The following NEDD1 variants were observed in gnomAD, a reference collection of about 807,000 sequenced individuals.
The protein encoded by NEDD1 is protein NEDD1.
NEDD1 carries 33 observed loss-of-function variants against 74.0 expected under a neutral mutation model. The ratio of observed to expected loss-of-function variants is 0.45; its 90% confidence interval spans 0.34 to 0.60. The LOEUF (loss-of-function observed/expected upper bound fraction) is 0.60. Ranked by LOEUF, NEDD1 falls within the 20% of genes least tolerant of loss-of-function variation. The pLI is 0.01. For synonymous variants in NEDD1, 250 were observed against 264.4 expected, an observed-to-expected ratio of 0.95 and a Z score of 0.53; for missense variants, 746 against 776.5, an observed-to-expected ratio of 0.96 and a Z score of 0.47.
chr12:96,911,517 T>A (rs1873914566), intron 3 of NEDD1, among the ~76,000 whole-genome samples: 1 of 152,156 alleles, frequency 6.6e-6, no homozygotes, highest in South Asian at 2.1e-4. Context: ...CAACTTGGGG[T>A]CCACATAGTA....
intron 9 of NEDD1, 104 bp from the exon 10 acceptor site, chr12:96,940,305 A>G (rs1877536338): frequency 1.7e-6 from 1 of 583,874 alleles, no homozygotes; most frequent in Non-Finnish European, 3.0e-6. Context: ...TCATAGTTGT[A>G]ATATTACCAA....
intron 6 of NEDD1, among the ~76,000 whole-genome samples, chr12:96,928,916 T>C (rs890525815): frequency 1.3e-5 from 2 of 151,930 alleles, no homozygotes; most frequent in African/African-American, 2.4e-5. Context: ...GGTCTCGATC[T>C]CCTGACCTCG....
At chr12:96,949,039 G>A (rs910519501) in intron 14 of NEDD1, among the ~76,000 whole-genome samples, 1 of 152,126 alleles carries the variant, frequency 6.6e-6, no homozygotes, top group African/African-American at 2.4e-5. Context: ...GGCTCTTACA[G>A]CCTTGGCTAC....
chr12:96,918,207 G>T (rs1777459791), intron 5 of NEDD1, among the ~76,000 whole-genome samples: 1 of 151,392 alleles, frequency 6.6e-6, no homozygotes, highest in Admixed American at 6.6e-5. Context: ...TTTTAACTTG[G>T]TAATATTTTG....
At position 96,942,498 on chromosome 12, in the gene NEDD1, T is replaced by C. The variant is rs1877756649; in HGVS notation, c.1247-79T>C. On this transcript the variant is annotated intron_variant, in intron 10 of 15. Coordinates refer to ENST00000266742, the MANE Select transcript of NEDD1 (RefSeq NM_152905.4). ...TAAGATTGTTAGTCTCTGAACTCTT[T>C]GGGGAATGAATAAGAAGCCTAAATT... 10 of 746,194 alleles carry C rather than the reference T, an allele frequency of 1.3e-5. No individual in the cohort carries two copies. In the South Asian group the frequency reaches 1.6e-4, roughly 12 times the overall value. 46.2% of individuals were successfully genotyped at this position (746,194 alleles called of 1,614,324 possible). A position where few individuals can be genotyped will look rare whatever the true frequency, so the allele number is the denominator to read the frequency against.
intron 6 of NEDD1, among the ~76,000 whole-genome samples, chr12:96,921,681 A>G (rs184548813): frequency 3.9e-4 from 58 of 147,984 alleles, no homozygotes; most frequent in Middle Eastern, 3.5e-3. Context: ...TTTCTTTCTT[A>G]GAGAGTCTTA....
At chr12:96,909,609 C>A (rs971135451) in intron 2 of NEDD1, 143 bp from the exon 3 acceptor site, 14 of 630,492 alleles carry the variant, frequency 2.2e-5, no homozygotes, top group Non-Finnish European at 3.5e-5. Flanking sequence ...TTAGGAAAAT[C>A]ACTTCAACTG....
At chr12:96,920,382 G>C (rs1180351608) in intron 6 of NEDD1, among the ~76,000 whole-genome samples, 1 of 151,660 alleles carries the variant, frequency 6.6e-6, no homozygotes, top group Non-Finnish European at 1.5e-5. Context: ...ACAAATAGTT[G>C]TTAATAGGTT....
rs1368939540 is a variant in NEDD1 at position 96,912,665 on chromosome 12, ATAG to A, written c.137-56_137-54del. The A allele has an allele frequency of 3.8e-6, 3 of 799,622 alleles. No homozygotes were observed. The East Asian group carries it at 7.4e-5, about 20-fold the overall frequency. 49.5% of individuals were successfully genotyped at this position (799,622 alleles called of 1,614,324 possible). ...AGCTTTTATAATCGCAATTCTTATA[ATAG>A]TCTAGTGCTATAGATGTTCATGGAT... On this transcript the variant is annotated intron_variant, in intron 3 of 15. Coordinates refer to ENST00000266742, the MANE Select transcript of NEDD1 (RefSeq NM_152905.4).
At chr12:96,923,668 C>T (rs1008063077) in intron 6 of NEDD1, among the ~76,000 whole-genome samples, 4 of 151,840 alleles carry the variant, frequency 2.6e-5, no homozygotes, top group Non-Finnish European at 5.9e-5. Flanking sequence ...TTGGGTTATT[C>T]GTGTTTTTAA....
At chr12:96,942,861 A>G (rs1401451536) in intron 11 of NEDD1, among the ~76,000 whole-genome samples, 1 of 151,928 alleles carries the variant, frequency 6.6e-6, no homozygotes, top group African/African-American at 2.4e-5. Flanking sequence ...TCAACTGGGC[A>G]GGGAACTGTT....
Position 96,944,686 on chromosome 12 carries a change from C to G in NEDD1, c.1545C>G (p.Thr515=). The G allele has an allele frequency of 6.3e-7, 1 of 1,599,404 alleles. No individual in the cohort carries two copies. The highest frequency in any genetic ancestry group is 8.5e-7 in the Non-Finnish European group (1 of 1,171,258). The part of the protein sequence containing the change: ...TSGAESGNLN[T]SPSSNQTRNS... ...GTGCTGAAAGTGGAAATCTAAATAC[C>G]TCTCCATCATCTAACCAAACAAGAA... Residue 515 remains threonine, a synonymous_variant, in exon 13 of 16, where the codon ACC becomes ACG. Transcript: ENST00000266742.
chr12:96,918,697 C>T (rs1471275711), intron 5 of NEDD1, among the ~76,000 whole-genome samples: 1 of 152,194 alleles, frequency 6.6e-6, no homozygotes, highest in African/African-American at 2.4e-5. Context: ...GTGATTAACA[C>T]AATTTCTGGC....
chr12:96,939,126 A>T (rs1351773654), intron 9 of NEDD1, among the ~76,000 whole-genome samples: 1 of 152,070 alleles, frequency 6.6e-6, no homozygotes, highest in Non-Finnish European at 1.5e-5. Context: ...CTTTGTATAA[A>T]ATTAAAGTTC....
chr12:96,921,632 G>T (rs550430301), intron 6 of NEDD1, among the ~76,000 whole-genome samples: 1 of 151,028 alleles, frequency 6.6e-6, no homozygotes, highest in Non-Finnish European at 1.5e-5. Flanking sequence ...CAAAGATTTT[G>T]TTAGGCAAAT....
intron 14 of NEDD1, among the ~76,000 whole-genome samples, chr12:96,946,154 G>C (rs952818342): frequency 6.6e-6 from 1 of 151,994 alleles, no homozygotes; most frequent in Non-Finnish European, 1.5e-5. Flanking sequence ...CTTAAATTGG[G>C]TTCTTAACCT....
chr12:96,938,435 T>A, intron 9 of NEDD1, among the ~76,000 whole-genome samples: 1 of 152,184 alleles, frequency 6.6e-6, no homozygotes, highest in East Asian at 1.9e-4. Context: ...TTTTCAAAAT[T>A]TTCAAAAATT....
chr12:96,923,634 TC>T (rs1485001546), intron 6 of NEDD1, among the ~76,000 whole-genome samples: 1 of 152,240 alleles, frequency 6.6e-6, no homozygotes, highest in African/African-American at 2.4e-5. Flanking sequence ...AAGTGACTGT[TC>T]AAGTCTGTTG....
At position 96,915,901 on chromosome 12, in the gene NEDD1, T is replaced by C. The variant is rs150588602; in HGVS notation, c.232-1720T>C. On this transcript the variant is annotated intron_variant, in intron 4 of 15. Coordinates refer to ENST00000266742, the MANE Select transcript of NEDD1 (RefSeq NM_152905.4). ...ATTGGTAAGTTATCATGCAGATAAC[T>C]AAAATAAGATATTGTGATAGCAAGT... is the stretch of plus-strand genomic sequence containing the variant. Among the ~76,000 whole-genome samples the C allele has an allele frequency of 1.6e-4, 25 of 152,308 alleles. No homozygotes were observed. In the East Asian group the frequency reaches 4.4e-3, roughly 27 times the overall value.
Sources: allele counts gnomAD v4.1 joint callset (sites outside exome capture counted in the v4.1 genomes callset), GRCh38; gene constraint gnomAD v4.1.1; transcripts MANE v1.5; gene names NCBI Gene and HGNC (gene_info 2026-07-23, HGNC 2026-07-21).